MYO16: variants seen among roughly 807,000 people sequenced by gnomAD.
MYO16 encodes unconventional myosin-XVI.
MYO16 carries 94 observed loss-of-function variants against 205.3 expected under a neutral mutation model. The ratio of observed to expected loss-of-function variants is 0.46; its 90% CI spans 0.39 to 0.54. The LOEUF (loss-of-function observed/expected upper bound fraction) is 0.54, where lower values mean the gene tolerates loss of function less well. Ranked by LOEUF, MYO16 falls within the 20% of genes least tolerant of loss-of-function variation. The pLI is 0.00. For missense variants in MYO16, 2,315 were observed against 2,387.5 expected (o/e 0.97, Z 0.63); for synonymous variants, 988 against 954.0 (o/e 1.04, Z -0.66).
intron 16 of MYO16, among the ~76,000 whole-genome samples, chr13:108,944,110 C>T (rs766557498): frequency 6.6e-6 from 1 of 152,182 alleles, no homozygotes; most frequent in Non-Finnish European, 1.5e-5. Flanking sequence ...ACTTCTGACT[C>T]TGTCTCGTCT....
chr13:109,201,281 C>G (rs1316316767), intron 34 of MYO16, among the ~76,000 whole-genome samples: 2 of 152,072 alleles, frequency 1.3e-5, no homozygotes, highest in African/African-American at 4.8e-5. Context: ...CTTTCTAATA[C>G]TGCTAGAACC....
intron 3 of MYO16, among the ~76,000 whole-genome samples, chr13:108,725,619 A>T (rs573014591): frequency 6.6e-6 from 1 of 152,188 alleles, no homozygotes; most frequent in Admixed American, 6.5e-5. Context: ...GTTTCTTGCA[A>T]CTTATGAGCC....
At chr13:108,988,449 T>A (rs189387356) in intron 20 of MYO16, among the ~76,000 whole-genome samples, 14 of 151,652 alleles carry the variant, frequency 9.2e-5, no homozygotes, top group East Asian at 5.8e-4. Flanking sequence ...CTTTTTTTTT[T>A]AAAACCAAAT....
At chr13:108,843,042 AAAAC>A (rs1247675171) in intron 9 of MYO16, among the ~76,000 whole-genome samples, 1 of 152,064 alleles carries the variant, frequency 6.6e-6, no homozygotes, top group African/African-American at 2.4e-5. Context: ...TGGACTCTTA[AAAAC>A]CTGAAAATCA....
chr13:109,010,446 A>G (rs1885553566), intron 22 of MYO16, among the ~76,000 whole-genome samples: 1 of 152,352 alleles, frequency 6.6e-6, no homozygotes, highest in South Asian at 2.1e-4. Context: ...AAATGTTGCT[A>G]GTAATCAACC....
chr13:108,556,862 G>A, the MYO16 span, among the ~76,000 whole-genome samples: 2 of 152,074 alleles, frequency 1.3e-5, no homozygotes, highest in African/African-American at 4.8e-5. Context: ...TGGATATTCA[G>A]TTGTCCCAAC....
chr13:108,986,047 G>A lies in MYO16; in HGVS notation c.2370-6329G>A, dbSNP rs113567172. 7.2e-3 allele frequency among the ~76,000 whole-genome samples: 1,092 copies of A among 152,272 alleles called. 5 individuals are homozygous for A. Among genetic ancestry groups the A allele is most frequent in the African/African-American group, 0.012 (495 of 41,544 alleles). ...GAGGAGCAGAGGCACATCTTACATG[G>A]CAGCAGGCAAGAGAGCGTGTGCAAA... is the stretch of plus-strand genomic sequence containing the variant. On this transcript the variant is annotated intron_variant, in intron 20 of 34. Transcript: ENST00000457511.
intron 6 of MYO16, among the ~76,000 whole-genome samples, chr13:108,805,746 G>T (rs1437243778): frequency 6.6e-6 from 1 of 151,662 alleles, no homozygotes; most frequent in Admixed American, 6.6e-5. Context: ...CATCATTATT[G>T]TTCCAAAGGC....
At chr13:108,892,487 C>A (rs1254871565) in intron 14 of MYO16, among the ~76,000 whole-genome samples, 1 of 152,136 alleles carries the variant, frequency 6.6e-6, no homozygotes, top group African/African-American at 2.4e-5. Flanking sequence ...GTGATCTACC[C>A]ACCTCAGCCT....
At chr13:108,653,949 A>G (rs151170363) in intron 1 of MYO16, among the ~76,000 whole-genome samples, 2 of 152,290 alleles carry the variant, frequency 1.3e-5, no homozygotes, top group African/African-American at 4.8e-5. Flanking sequence ...AAAGAGCAGA[A>G]AAACTATGTA....
chr13:108,509,039 G>A, the MYO16 span, among the ~76,000 whole-genome samples: 2 of 152,168 alleles, frequency 1.3e-5, no homozygotes, highest in African/African-American at 2.4e-5. Flanking sequence ...GGTGAGAAAC[G>A]CTGAGCTAAA....
intron 21 of MYO16, among the ~76,000 whole-genome samples, chr13:109,005,844 C>T (rs1178737316): frequency 6.6e-6 from 1 of 152,176 alleles, no homozygotes; most frequent in Non-Finnish European, 1.5e-5. Flanking sequence ...GAAATTTCCC[C>T]CTGAGACTTC....
intron 17 of MYO16, among the ~76,000 whole-genome samples, chr13:108,960,881 TC>T (rs1413012173): frequency 2.0e-5 from 3 of 152,252 alleles, no homozygotes; most frequent in Non-Finnish European, 4.4e-5. Flanking sequence ...TTCAGCATTC[TC>T]TTACTTCCTG....
intron 1 of MYO16, among the ~76,000 whole-genome samples, chr13:108,649,484 C>A: frequency 6.6e-6 from 1 of 152,076 alleles, no homozygotes; most frequent in Middle Eastern, 3.2e-3. Flanking sequence ...ATGGAACACT[C>A]TAGATGGTTA....
intron 14 of MYO16, among the ~76,000 whole-genome samples, chr13:108,895,945 G>A (rs577289422): frequency 1.3e-5 from 2 of 152,302 alleles, no homozygotes; most frequent in African/African-American, 4.8e-5. Flanking sequence ...AACACTGAAG[G>A]AGTTATTCCA....
In MYO16 at chr13:108,697,889, A is replaced by T. The variant is rs1883150235; in HGVS notation, c.293-14772A>T. ...AGGCGTGCACCACCACACCTGGCTAATTTTTGTATTTTTAGTACAAACAGG... is the reference window on the plus strand; with the variant it reads ...AGGCGTGCACCACCACACCTGGCTATTTTTTGTATTTTTAGTACAAACAGG... On this transcript the variant is annotated intron_variant, in intron 2 of 34. Coordinates refer to ENST00000457511, the MANE Select transcript of MYO16 (RefSeq NM_001198950.3). Among the ~76,000 whole-genome samples, 5 of 151,960 alleles carry T rather than the reference A, an allele frequency of 3.3e-5. No homozygotes were observed. The South Asian group carries it at 1.0e-3, about 32-fold the overall frequency.
intron 18 of MYO16, among the ~76,000 whole-genome samples, 173 bp from the exon 19 acceptor site, chr13:108,962,251 C>T (rs1185384190): frequency 6.6e-6 from 1 of 152,204 alleles, no homozygotes; most frequent in Non-Finnish European, 1.5e-5. Context: ...ATTTTGATTA[C>T]TGTAAGATGT....
chr13:108,696,041 T>C (rs1883079113), intron 2 of MYO16, among the ~76,000 whole-genome samples: 1 of 152,210 alleles, frequency 6.6e-6, no homozygotes, highest in Admixed American at 6.5e-5. Context: ...ATTGTTTGAA[T>C]TTAAAAAATA....
chr13:108,684,818 G>A (rs1345595744), intron 2 of MYO16, among the ~76,000 whole-genome samples: 14 of 152,254 alleles, frequency 9.2e-5, no homozygotes, highest in Admixed American at 5.2e-4. Flanking sequence ...GAACACACTG[G>A]GGAGCTGTGA....
Sources: allele counts gnomAD v4.1 joint callset (sites outside exome capture counted in the v4.1 genomes callset), GRCh38; gene constraint gnomAD v4.1.1; transcripts MANE v1.5; gene names NCBI Gene and HGNC (gene_info 2026-07-23, HGNC 2026-07-21).